TP63: variants seen among roughly 807,000 people sequenced by gnomAD.
TP63 encodes the protein tumor protein p63.
Under a neutral mutation model 82.8 loss-of-function variants are expected in TP63, and 17 were observed. That is an observed-to-expected ratio of 0.21 (90% CI 0.14 to 0.31). The LOEUF (loss-of-function observed/expected upper bound fraction) is 0.31. Ranked by LOEUF, TP63 falls within the 10% of genes least tolerant of loss-of-function variation. The pLI, the probability that TP63 is intolerant of heterozygous loss-of-function variation, is 1.00. For synonymous variants in TP63, 330 were observed against 321.7 expected (o/e 1.03, Z -0.28); for missense variants, 648 against 895.3 (o/e 0.72, Z 3.52).
intron 1 of TP63, among the ~76,000 whole-genome samples, chr3:189,677,635 A>G (rs186599354): frequency 2.6e-5 from 4 of 151,882 alleles, no homozygotes; most frequent in Admixed American, 2.6e-4. Flanking sequence ...ACTGGATTTA[A>G]TGGTAGTTCT....
intron 4 of TP63, among the ~76,000 whole-genome samples, chr3:189,837,241 T>G (rs1713291839): frequency 6.6e-6 from 1 of 151,964 alleles, no homozygotes; most frequent in Non-Finnish European, 1.5e-5. Context: ...CTCCTCTCAC[T>G]GCTGCCTACC....
intron 3 of TP63, among the ~76,000 whole-genome samples, chr3:189,776,949 G>A (rs1723848576): frequency 6.6e-6 from 1 of 152,184 alleles, no homozygotes; most frequent in East Asian, 1.9e-4. Flanking sequence ...GCTTCCGTTT[G>A]CAATCCAAGG....
At chr3:189,807,159 T>A (rs763274109) in intron 3 of TP63, among the ~76,000 whole-genome samples, 1 of 152,214 alleles carries the variant, frequency 6.6e-6, no homozygotes, top group Non-Finnish European at 1.5e-5. Context: ...AACTGTACCA[T>A]AAGCTGGTTG....
intron 1 of TP63, among the ~76,000 whole-genome samples, chr3:189,660,972 CT>C (rs1214596655): frequency 6.6e-6 from 1 of 151,898 alleles, no homozygotes; most frequent in Non-Finnish European, 1.5e-5. Context: ...TTCTCAAAGC[CT>C]TTTGGTGGAG....
chr3:189,752,627 C>T (rs1211529377), intron 3 of TP63, among the ~76,000 whole-genome samples: 7 of 152,088 alleles, frequency 4.6e-5, no homozygotes, highest in Non-Finnish European at 8.8e-5. Context: ...GTCAGCTTAT[C>T]GGTTTCCCTG....
chr3:189,770,377 C>T (rs1275369956), intron 3 of TP63, among the ~76,000 whole-genome samples: 1 of 152,068 alleles, frequency 6.6e-6, no homozygotes, highest in Non-Finnish European at 1.5e-5. Flanking sequence ...TCAGCCTGGC[C>T]AACATGGTGA....
Position 189,826,368 on chromosome 3 carries a change from A to G in TP63, c.579+17842A>G, listed in dbSNP as rs545608623. ...CTTCCCTTTTGCTTATACTACTTGAAAAATGATTTTATGGACACCGTGATG... is the reference window on the plus strand; with the variant it reads ...CTTCCCTTTTGCTTATACTACTTGAGAAATGATTTTATGGACACCGTGATG... On this transcript the variant is annotated intron_variant, in intron 4 of 13. Transcript: ENST00000264731. Among the ~76,000 whole-genome samples the G allele has an allele frequency of 5.9e-5, 9 of 152,340 alleles. No individual in the cohort carries two copies. In the South Asian group the frequency reaches 1.7e-3, roughly 28 times the overall value.
At chr3:189,721,557 G>T (rs943546466) in intron 1 of TP63, among the ~76,000 whole-genome samples, 3 of 151,928 alleles carry the variant, frequency 2.0e-5, no homozygotes, top group Non-Finnish European at 4.4e-5. Flanking sequence ...GGGTTGCTCT[G>T]CTGAAGTGGG....
At chr3:189,733,571 C>CTCA in intron 1 of TP63, among the ~76,000 whole-genome samples, 1 of 152,158 alleles carries the variant, frequency 6.6e-6, no homozygotes. Flanking sequence ...TATATGACCA[C>CTCA]TCATATGGGA....
At chr3:189,774,184 A>G (rs889370569) in intron 3 of TP63, among the ~76,000 whole-genome samples, 3 of 151,896 alleles carry the variant, frequency 2.0e-5, no homozygotes, top group East Asian at 3.9e-4. Flanking sequence ...GGCCTCCCAA[A>G]GTGCTGGGAT....
At chr3:189,782,065 C>T (rs1362729977) in intron 3 of TP63, among the ~76,000 whole-genome samples, 2 of 152,114 alleles carry the variant, frequency 1.3e-5, no homozygotes, top group Non-Finnish European at 1.5e-5. Flanking sequence ...CTGGCAGATG[C>T]AGAACTTAAC....
chr3:189,713,015 T>C (rs1718704300), intron 1 of TP63, among the ~76,000 whole-genome samples: 1 of 152,076 alleles, frequency 6.6e-6, no homozygotes, highest in Non-Finnish European at 1.5e-5. Flanking sequence ...CTTAAACCTC[T>C]AAGAAAGAGC....
rs114304413 is a variant in TP63, at chr3:189,653,368, G to A, written c.62+21791G>A. 4.2e-3 allele frequency among the ~76,000 whole-genome samples: 639 copies of A among 152,240 alleles called. 3 individuals are homozygous for A. Among genetic ancestry groups the A allele is most frequent in the African/African-American group, 0.014 (599 of 41,542 alleles). The stretch of plus-strand genomic sequence containing the variant: ...GTACTTTAGATATGTTAATATATTT[G>A]ATAGGTTTCATTCTATTTTTAACCT... On this transcript the variant is annotated intron_variant, in intron 1 of 13. Transcript: ENST00000264731.
At chr3:189,779,224 T>C (rs146794802) in intron 3 of TP63, among the ~76,000 whole-genome samples, 50 of 152,366 alleles carry the variant, frequency 3.3e-4, no homozygotes, top group African/African-American at 1.2e-3. Context: ...TCCTCGAGTA[T>C]TTTTTAATCC....
intron 11 of TP63, among the ~76,000 whole-genome samples, chr3:189,887,746 T>G (rs1018209459): frequency 1.3e-5 from 2 of 152,184 alleles, no homozygotes; most frequent in African/African-American, 4.8e-5. Context: ...ATCCTAATTA[T>G]TTTGATCAAA....
At position 189,631,514 on chromosome 3, in the gene TP63, A is replaced by G; in HGVS notation, c.-2A>G. The G allele has an allele frequency of 6.2e-7, 1 of 1,612,728 alleles. No individual in the cohort carries two copies. Among genetic ancestry groups the G allele is most frequent in the Non-Finnish European group, 8.5e-7 (1 of 1,178,998 alleles). On this transcript the variant is annotated 5_prime_UTR_variant, in exon 1 of 14. Coordinates refer to ENST00000264731, the MANE Select transcript of TP63 (RefSeq NM_003722.5). ...CGTTGATATCAAAGACAGTTGAAGG[A>G]AATGAATTTTGAAACTTCACGGTGT...
chr3:189,790,517 T>C (rs538573751), intron 3 of TP63, among the ~76,000 whole-genome samples: 28 of 152,160 alleles, frequency 1.8e-4, no homozygotes, highest in African/African-American at 6.7e-4. Flanking sequence ...TTTAAGAAAC[T>C]GATTATTTGC....
At chr3:189,632,353 G>GT (rs968870447) in intron 1 of TP63, among the ~76,000 whole-genome samples, 1 of 152,072 alleles carries the variant, frequency 6.6e-6, no homozygotes, top group African/African-American at 2.4e-5. Context: ...GTTGAAAATG[G>GT]TGAGGTTACA....
At chr3:189,676,589 T>A (rs2108682889) in intron 1 of TP63, among the ~76,000 whole-genome samples, 1 of 151,760 alleles carries the variant, frequency 6.6e-6, no homozygotes, top group South Asian at 2.1e-4. Flanking sequence ...TCCCGTATGT[T>A]CCTTTAAAAA....
Sources: allele counts gnomAD v4.1 joint callset (sites outside exome capture counted in the v4.1 genomes callset), GRCh38; gene constraint gnomAD v4.1.1; transcripts MANE v1.5; gene names NCBI Gene and HGNC (gene_info 2026-07-23, HGNC 2026-07-21).